RAC2: variants seen among roughly 807,000 people sequenced by gnomAD.
The protein encoded by RAC2 is Rac family small GTPase 2, also known as ras-related C3 botulinum toxin substrate 2.
In RAC2, 1 loss-of-function variant was observed where a neutral mutation model predicts 24.0. The observed-to-expected ratio is 0.04, with a 90% CI of 0.01 to 0.20. RAC2 has a LOEUF of 0.20. Among genes scored for constraint, RAC2 ranks in the 10% least tolerant of loss-of-function variants. The pLI, the probability that RAC2 is intolerant of heterozygous loss-of-function variation, is 1.00. For missense variants in RAC2, 130 were observed against 259.1 expected (o/e 0.50, Z 3.42); for synonymous variants, 114 against 106.8 (o/e 1.07, Z -0.41).
At chr22:37,229,884 C>A (rs1372921139) in intron 5 of RAC2, among the ~76,000 whole-genome samples, 1 of 152,202 alleles carries the variant, frequency 6.6e-6, no homozygotes, top group Non-Finnish European at 1.5e-5. Flanking sequence ...GAGCCAGGAC[C>A]AGAATCCAGG....
At chr22:37,228,181 A>G (rs1488456607) in intron 5 of RAC2, among the ~76,000 whole-genome samples, 3 of 152,158 alleles carry the variant, frequency 2.0e-5, no homozygotes, top group Non-Finnish European at 4.4e-5. Flanking sequence ...GACTCATCCA[A>G]ACTCACACGC....
chr22:37,228,158 C>G (rs8136713), intron 5 of RAC2, among the ~76,000 whole-genome samples: 4,390 of 152,316 alleles, frequency 0.029, 190 homozygotes, highest in African/African-American at 0.097. Flanking sequence ...ACTGAGGCTC[C>G]TGGAGAGTAT....
intron 1 of RAC2, among the ~76,000 whole-genome samples, chr22:37,243,083 C>G (rs553505104): frequency 3.2e-4 from 49 of 152,326 alleles, no homozygotes; most frequent in African/African-American, 1.1e-3. Context: ...ACTGCAGCCT[C>G]AAACTCCCGG....
chr22:37,231,942 A>T lies in RAC2; in HGVS notation c.278T>A (p.Val93Asp). The change falls in exon 4 of 7, where the codon GTC becomes GAC. Residue 93 changes from valine (V) to aspartate (D), a missense_variant. Physicochemically the swap from Val to Asp is radical, Grantham distance 152. Coordinates refer to ENST00000249071, the MANE Select transcript of RAC2 (RefSeq NM_002872.5). This position sits in a 1 kb window ranked among gnomAD's most constrained non-coding sequence, Gnocchi z 5.5. ...SLVSPASYEN[V>D]RAKWFPEVRH... Reference sequence around the variant, plus strand: ...CCCTGTCCAGCTCACCTTGGCGCGGACGTTCTCATAAGAGGCTGGGCTGAC... The same window carrying T: ...CCCTGTCCAGCTCACCTTGGCGCGGTCGTTCTCATAAGAGGCTGGGCTGAC... 1.3e-6 allele frequency: 2 copies of T among 1,551,958 alleles called. No homozygotes were observed. Among genetic ancestry groups the T allele is most frequent in the Non-Finnish European group, 1.7e-6 (2 of 1,147,224 alleles).
At chr22:37,241,564 C>G (rs370007318) in intron 2 of RAC2, 23 bp downstream of exon 2, 49 of 1,603,920 alleles carry the variant, frequency 3.1e-5, no homozygotes, top group Admixed American at 8.3e-5. Context: ...CTCCCACCAC[C>G]CCACATATCC....
At chr22:37,239,122 C>T (rs557080795) in intron 2 of RAC2, among the ~76,000 whole-genome samples, 1 of 152,182 alleles carries the variant, frequency 6.6e-6, no homozygotes, top group South Asian at 2.1e-4. Flanking sequence ...ATTTTACCCT[C>T]CCTTCACAGG....
chr22:37,232,287 A>G (rs891874897), intron 3 of RAC2: 39 of 516,078 alleles, frequency 7.6e-5, no homozygotes, highest in Non-Finnish European at 1.3e-4. Context: ...TGAGGCTTCC[A>G]GAGGTTAAAG....
intron 2 of RAC2, among the ~76,000 whole-genome samples, 179 bp downstream of exon 2, chr22:37,241,408 C>T (rs1200586412): frequency 1.3e-5 from 2 of 152,214 alleles, no homozygotes; most frequent in Admixed American, 1.3e-4. Context: ...TTCTGGGAGC[C>T]CCCAGCACCT....
Position 37,244,217 on chromosome 22 carries a change from G to T in RAC2, c.-69C>A. ...CAGGCGCGTTTCTGCGGGCGCAAGG[G>T]GTGTGGAGGCTGGTGAGGCGCCTGC... is the stretch of plus-strand genomic sequence containing the variant. On this transcript the variant is annotated 5_prime_UTR_variant, in exon 1 of 7. Coordinates refer to ENST00000249071, the MANE Select transcript of RAC2 (RefSeq NM_002872.5). The T allele has an allele frequency of 6.3e-7, 1 of 1,583,876 alleles. No homozygotes were observed. Among genetic ancestry groups the T allele is most frequent in the South Asian group, 1.1e-5 (1 of 88,702 alleles).
chr22:37,232,976 T>G (rs551352072), intron 2 of RAC2, 58 bp from the exon 3 acceptor site: 1 of 1,323,062 alleles, frequency 7.6e-7, no homozygotes, highest in Admixed American at 1.7e-5. Flanking sequence ...AACCTGGGAA[T>G]TGTGGTCCAG....
At chr22:37,242,708 C>T (rs1927441795) in intron 1 of RAC2, among the ~76,000 whole-genome samples, 1 of 152,220 alleles carries the variant, frequency 6.6e-6, no homozygotes, top group South Asian at 2.1e-4. Flanking sequence ...CAGAAGTGAA[C>T]AGGGCTGGGG....
At chr22:37,237,356 T>A (rs1285246765) in intron 2 of RAC2, among the ~76,000 whole-genome samples, 1 of 151,928 alleles carries the variant, frequency 6.6e-6, no homozygotes, top group African/African-American at 2.4e-5. Flanking sequence ...GGTTGAAAGA[T>A]GAAGGCAGCT....
chr22:37,240,984 G>C, intron 2 of RAC2: 1 of 714,628 alleles, frequency 1.4e-6, no homozygotes, highest in Non-Finnish European at 2.6e-6. Flanking sequence ...GGAGCCTTGA[G>C]TGCCATGCTA....
At chr22:37,233,768 G>A (rs2145825701) in intron 2 of RAC2, among the ~76,000 whole-genome samples, 1 of 152,332 alleles carries the variant, frequency 6.6e-6, no homozygotes, top group South Asian at 2.1e-4. Context: ...GAGTTGTCAT[G>A]GCTGTGGACT....
intron 5 of RAC2, 71 bp from the exon 6 acceptor site, chr22:37,226,874 A>T: frequency 6.3e-7 from 1 of 1,576,166 alleles, no homozygotes; most frequent in Non-Finnish European, 8.7e-7. Flanking sequence ...CATGTCTCCT[A>T]TGCCATACAA....
At position 37,243,983 on chromosome 22, in the gene RAC2, G is replaced by A. The variant is rs949793543; in HGVS notation, c.35+131C>T. 5 of 1,257,740 alleles carry A rather than the reference G, an allele frequency of 4.0e-6. No individual in the cohort carries two copies. In the African/African-American group the frequency reaches 6.0e-5, roughly 15 times the overall value. 77.9% of individuals were successfully genotyped at this position (1,257,740 alleles called of 1,614,324 possible). On this transcript the variant is annotated intron_variant, in intron 1 of 6. Transcript: ENST00000249071. ...TCCCTGTGGGCCCTCGGAGAAGGAA[G>A]CGTCCCCTCCAAGCTGCCTTCCAGG...
At chr22:37,228,955 C>A (rs948694959) in intron 5 of RAC2, among the ~76,000 whole-genome samples, 1 of 152,216 alleles carries the variant, frequency 6.6e-6, no homozygotes, top group Admixed American at 6.5e-5. Flanking sequence ...AGCAGGGTGC[C>A]CTGAGCTCAG....
At chr22:37,242,786 C>CT (rs1927445280) in intron 1 of RAC2, among the ~76,000 whole-genome samples, 1 of 152,246 alleles carries the variant, frequency 6.6e-6, no homozygotes, top group Non-Finnish European at 1.5e-5. Context: ...GGGCCCGCCC[C>CT]CACCTAGATG....
chr22:37,228,592 G>A lies in RAC2; in HGVS notation c.449-1789C>T, dbSNP rs559358411. ...TGTGGCAGGATGGAAGGGGATGGAC[G>A]CTGGTCACCACCTACCCTGTGCCAG... is the stretch of plus-strand genomic sequence containing the variant. On this transcript the variant is annotated intron_variant, in intron 5 of 6. Coordinates refer to ENST00000249071, the MANE Select transcript of RAC2 (RefSeq NM_002872.5). 3.3e-4 allele frequency among the ~76,000 whole-genome samples: 50 copies of A among 152,352 alleles called. 1 individual carries two copies. In the South Asian group the frequency reaches 8.1e-3, roughly 25 times the overall value.
Sources: allele counts gnomAD v4.1 joint callset (sites outside exome capture counted in the v4.1 genomes callset), GRCh38; gene constraint gnomAD v4.1.1; non-coding constraint Gnocchi (gnomAD v3.1); transcripts MANE v1.5; gene names NCBI Gene and HGNC (gene_info 2026-07-23, HGNC 2026-07-21).